Variants in SMURF1 observed in about 807,000 individuals in gnomAD.
The protein encoded by SMURF1 is E3 ubiquitin-protein ligase SMURF1.
SMURF1 carries 44 observed loss-of-function variants against 98.0 expected under a neutral mutation model. The observed-to-expected ratio is 0.45, with a 90% confidence interval of 0.35 to 0.58. The LOEUF is 0.58. SMURF1 is among the 20% of genes least tolerant of loss of function. The pLI is 0.00. For missense variants in SMURF1, 687 were observed against 938.4 expected, an observed-to-expected ratio of 0.73 and a Z score of 3.50; for synonymous variants, 396 against 374.9, an observed-to-expected ratio of 1.06 and a Z score of -0.65.
At chr7:99,049,988 C>T in intron 8 of SMURF1, 1 of 290,642 alleles carries the variant, frequency 3.4e-6, no homozygotes, top group South Asian at 1.2e-4. Flanking sequence ...AAGTGAATCA[C>T]CTGAGGTCAG....
At chr7:99,059,410 AAT>A (rs1563010557) in intron 3 of SMURF1, among the ~76,000 whole-genome samples, 2 of 31,758 alleles carry the variant, frequency 6.3e-5, no homozygotes, top group Non-Finnish European at 1.2e-4. Context: ...AAAAAAATAA[AAT>A]AAAATAAAAT....
chr7:99,121,367 C>G (rs1246138425), intron 1 of SMURF1, among the ~76,000 whole-genome samples: 1 of 152,070 alleles, frequency 6.6e-6, no homozygotes, highest in African/African-American at 2.4e-5. Flanking sequence ...ATGTTCCATT[C>G]CCAAAATAAA....
chr7:99,042,378 C>CAAGT, intron 11 of SMURF1, 146 bp from the exon 12 acceptor site: 1 of 581,846 alleles, frequency 1.7e-6, no homozygotes, highest in Non-Finnish European at 3.0e-6. Context: ...CTTCCTGGTC[C>CAAGT]AAGTGATTTT....
At position 99,142,632 on chromosome 7, in the gene SMURF1, C is replaced by T. The variant is rs1280090490; in HGVS notation, c.55+1094G>A. 8.5e-5 allele frequency among the ~76,000 whole-genome samples: 6 copies of T among 70,878 alleles called. 1 individual carries two copies. The highest frequency in any genetic ancestry group is 1.1e-4 in the African/African-American group (2 of 17,540). The allele number at this position is 70,878 out of a possible 152,430, so 46.5% of individuals were successfully genotyped here. ...GGGCTAGGGGAAGAAGGGAGGAGGA[C>T]GGTGTGGGGGGGTGAGGGAGAAACG... On this transcript the variant is annotated intron_variant, in intron 1 of 17. Coordinates refer to ENST00000361368, the MANE Select transcript of SMURF1 (RefSeq NM_181349.3).
At chr7:99,038,027 T>G (rs1054144588) in intron 14 of SMURF1, among the ~76,000 whole-genome samples, 1 of 152,154 alleles carries the variant, frequency 6.6e-6, no homozygotes, top group Admixed American at 6.5e-5. Context: ...TGCCTCAAGT[T>G]AGGGGTGGAA....
chr7:99,070,964 G>A (rs973741159), intron 1 of SMURF1, among the ~76,000 whole-genome samples: 9 of 151,958 alleles, frequency 5.9e-5, no homozygotes, highest in African/African-American at 2.2e-4. Flanking sequence ...TATATATTCT[G>A]CAGGTTCAAA....
In SMURF1 at chr7:99,040,393, C is replaced by G; in HGVS notation, c.1535G>C (p.Ser512Thr). Reference sequence around the variant, plus strand: ...CAATACTTACAGGATCCACACCAAGCTCTTATGCAGCTCTGGGTCCACAGA... The same window carrying G: ...CAATACTTACAGGATCCACACCAAGGTCTTATGCAGCTCTGGGTCCACAGA... ...LESVDPELHK[S>T]LVWILENDIT... The change falls in exon 13 of 18, where the codon AGC (serine) becomes ACC (threonine). Residue 512 changes from serine (S) to threonine (T), a missense_variant. Around this residue, in one of 2 missense-constraint regions of SMURF1, gnomAD observed 272 missense variants for 430.0 expected, o/e 0.63. Transcript: ENST00000361368. 1 of 1,541,916 alleles carries G rather than the reference C, an allele frequency of 6.5e-7. No individual in the cohort carries two copies. The highest frequency in any genetic ancestry group is 8.7e-7 in the Non-Finnish European group (1 of 1,145,004).
intron 1 of SMURF1, among the ~76,000 whole-genome samples, chr7:99,076,730 T>C (rs1029771027): frequency 5.3e-5 from 8 of 152,242 alleles, no homozygotes; most frequent in African/African-American, 1.9e-4. Flanking sequence ...ACAAATGTAC[T>C]GCAGTCATGT....
chr7:99,120,849 A>G lies in SMURF1; in HGVS notation c.55+22877T>C, dbSNP rs1797597312. 3 of 151,440 alleles carry G rather than the reference A, an allele frequency of 2.0e-5. No individual in the cohort carries two copies. In the South Asian group the frequency reaches 6.2e-4, roughly 31 times the overall value. The allele number at this position is 151,440 out of a possible 1,614,324, so 9.4% of individuals were successfully genotyped here. A position where few individuals can be genotyped will look rare whatever the true frequency, so the allele number is the denominator to read the frequency against. ...ACTTTAAAATACAGATAAATGTGTC[A>G]TCATTGAGGGAAGTGAAGCTGGCAT... On this transcript the variant is annotated intron_variant, in intron 1 of 17. Transcript: ENST00000361368.
In SMURF1 at chr7:99,046,971, G is replaced by A. The variant is rs1404697250; in HGVS notation, c.1152+713C>T. On this transcript the variant is annotated intron_variant, in intron 10 of 17. Coordinates refer to ENST00000361368, the MANE Select transcript of SMURF1 (RefSeq NM_181349.3). ...GGCCCCCCAGTGCTCCCTTAGTGCT[G>A]TCACCCAGGGAGAATCTGTGCTCAG... is the stretch of plus-strand genomic sequence containing the variant. Among the ~76,000 whole-genome samples, 4 of 152,170 alleles carry A rather than the reference G, an allele frequency of 2.6e-5. No individual in the cohort carries two copies. In the East Asian group the frequency reaches 5.8e-4, roughly 22 times the overall value.
intron 17 of SMURF1, 193 bp from the exon 18 acceptor site, chr7:99,030,876 T>C (rs868643861): frequency 4.8e-5 from 24 of 504,966 alleles, no homozygotes; most frequent in African/African-American, 3.9e-4. Context: ...TGTTTTTGCT[T>C]TTTGGTAGAG....
chr7:99,057,437 G>A lies in SMURF1; in HGVS notation c.318C>T (p.Ser106=). 1.9e-6 allele frequency: 3 copies of A among 1,609,726 alleles called. No individual in the cohort carries two copies. The highest frequency in any genetic ancestry group is 1.7e-6 in the Non-Finnish European group (2 of 1,179,054). The change falls in exon 4 of 18, where the codon AGC becomes AGT. Residue 106 remains serine (S), a synonymous_variant. Transcript: ENST00000361368. ...GCVRLLSNAI[S]RLKDTGYQRL... ...TCTTACATCCGGTATCTTTTAATCT[G>A]CTGATGGCATTGGAGAGCAGCCGCA...
intron 1 of SMURF1, among the ~76,000 whole-genome samples, chr7:99,132,267 C>T (rs13226715): frequency 1.1e-4 from 17 of 152,228 alleles, no homozygotes; most frequent in African/African-American, 3.9e-4. Context: ...GAGAGGTGTC[C>T]TCCGACGCCC....
intron 1 of SMURF1, among the ~76,000 whole-genome samples, chr7:99,094,200 G>A (rs1008444295): frequency 6.6e-6 from 1 of 152,138 alleles, no homozygotes; most frequent in Admixed American, 6.6e-5. Context: ...CTGTAAGAAA[G>A]AAAAGTCAAC....
At chr7:99,071,306 C>T (rs892919573) in intron 1 of SMURF1, among the ~76,000 whole-genome samples, 2 of 152,082 alleles carry the variant, frequency 1.3e-5, no homozygotes, top group Admixed American at 1.3e-4. Flanking sequence ...GTGATCCACC[C>T]GCCTCGGCCT....
chr7:99,037,276 C>T, intron 14 of SMURF1, 89 bp from the exon 15 acceptor site: 1 of 1,550,920 alleles, frequency 6.4e-7, no homozygotes, highest in Non-Finnish European at 8.9e-7. Context: ...CTCACTCTGT[C>T]ACCCAGGCTG....
At chr7:99,059,190 G>A (rs954070778) in intron 3 of SMURF1, among the ~76,000 whole-genome samples, 7 of 151,472 alleles carry the variant, frequency 4.6e-5, no homozygotes, top group Non-Finnish European at 1.0e-4. Flanking sequence ...ACGAGGTCAG[G>A]AGATCGAGAC....
chr7:99,091,495 A>T (rs1036977972), intron 1 of SMURF1, among the ~76,000 whole-genome samples: 2 of 152,160 alleles, frequency 1.3e-5, no homozygotes, highest in African/African-American at 4.8e-5. Context: ...AGCTCAGAAT[A>T]ATCTCTACAC....
rs61326484 is a variant in SMURF1 at position 99,027,590 on chromosome 7, C to T, written c.*2994G>A. 2 of 152,576 alleles carry T rather than the reference C, an allele frequency of 1.3e-5. No individual in the cohort carries two copies. The highest frequency in any genetic ancestry group is 2.9e-5 in the Non-Finnish European group (2 of 68,040). The allele number at this position is 152,576 out of a possible 1,614,324, so 9.5% of individuals were successfully genotyped here. ...TTTCATTAAATACTTTTGATTTTGA[C>T]ATAGAACATTAGTGTACAACTTTCA... On this transcript the variant is annotated 3_prime_UTR_variant, in exon 18 of 18. Transcript: ENST00000361368.
Sources: allele counts gnomAD v4.1 joint callset (sites outside exome capture counted in the v4.1 genomes callset), GRCh38; gene constraint gnomAD v4.1.1; regional missense constraint gnomAD v4.1.1; transcripts MANE v1.5; gene names NCBI Gene and HGNC (gene_info 2026-07-23, HGNC 2026-07-21).